The following C8orf34 variants were observed in gnomAD, a reference collection of about 807,000 sequenced individuals.
C8orf34 encodes chromosome 8 open reading frame 34.
In C8orf34, 65 loss-of-function variants were observed where a neutral mutation model predicts 68.3. That is an observed-to-expected ratio of 0.95 (90% CI 0.78 to 1.17). C8orf34 has a LOEUF of 1.17. Ranked by LOEUF, C8orf34 falls within the 50% of genes most tolerant of loss-of-function variation. The pLI is 0.00. For missense variants in C8orf34, 664 were observed against 655.4 expected, an observed-to-expected ratio of 1.01 and a Z score of -0.14; for synonymous variants, 244 against 241.2, an observed-to-expected ratio of 1.01 and a Z score of -0.11.
At chr8:68,339,395 G>A (rs562335385) in intron 1 of C8orf34, among the ~76,000 whole-genome samples, 1 of 151,780 alleles carries the variant, frequency 6.6e-6, no homozygotes, top group Admixed American at 6.6e-5. Context: ...AATAGTAAAA[G>A]TACCATTTAT....
chr8:68,769,075 A>C (rs1217812889), intron 10 of C8orf34, among the ~76,000 whole-genome samples: 1 of 152,078 alleles, frequency 6.6e-6, no homozygotes, highest in Admixed American at 6.5e-5. Context: ...ATCATGTGGT[A>C]GTCATTTTGA....
At position 68,504,682 on chromosome 8, in the gene C8orf34, A is replaced by ATT. The variant is rs563414330; in HGVS notation, c.765+16647_765+16648dup. Among the ~76,000 whole-genome samples, 174 of 128,884 alleles carry ATT rather than the reference A, an allele frequency of 1.4e-3. 1 individual carries two copies. Among genetic ancestry groups the ATT allele is most frequent in the African/African-American group, 3.7e-3 (131 of 35,016 alleles). The allele number at this position is 128,884 out of a possible 152,430, so 84.6% of individuals were successfully genotyped here. ...TTACATGCATGTGTCACCATGCCTA[A>ATT]TTTTTTTTTTTTTTTTTGAGACAGT... On this transcript the variant is annotated intron_variant, in intron 5 of 13. Coordinates refer to ENST00000518698, the MANE Select transcript of C8orf34 (RefSeq NM_052958.4).
chr8:68,604,155 G>A (rs896607484), intron 7 of C8orf34, among the ~76,000 whole-genome samples: 1 of 152,098 alleles, frequency 6.6e-6, no homozygotes, highest in Non-Finnish European at 1.5e-5. Context: ...CAATGAAAGA[G>A]CTGATGTCAT....
chr8:68,807,684 T>C (rs1350701418), intron 12 of C8orf34, among the ~76,000 whole-genome samples: 1 of 152,190 alleles, frequency 6.6e-6, no homozygotes, highest in Non-Finnish European at 1.5e-5. Context: ...TTATTTTTGA[T>C]TAAGTGTTGA....
chr8:68,647,319 T>C (rs1441015043), intron 8 of C8orf34, among the ~76,000 whole-genome samples: 2 of 152,080 alleles, frequency 1.3e-5, no homozygotes, highest in Non-Finnish European at 2.9e-5. Flanking sequence ...CGTGAGGATG[T>C]AGAGAAAAGG....
chr8:68,595,016 G>A (rs1817502667), intron 7 of C8orf34, among the ~76,000 whole-genome samples: 1 of 151,222 alleles, frequency 6.6e-6, no homozygotes, highest in Non-Finnish European at 1.5e-5. Flanking sequence ...TTTGAGCTAA[G>A]GCAAGTGTTT....
At chr8:68,346,310 G>A (rs112808248) in intron 1 of C8orf34, among the ~76,000 whole-genome samples, 2,052 of 134,268 alleles carry the variant, frequency 0.015, 35 homozygotes, top group African/African-American at 0.056. Context: ...TAGGATTTAG[G>A]TTCACAGCAA....
At chr8:68,679,778 C>T (rs894289150) in intron 8 of C8orf34, among the ~76,000 whole-genome samples, 3 of 152,132 alleles carry the variant, frequency 2.0e-5, no homozygotes, top group African/African-American at 7.2e-5. Flanking sequence ...GAAATTCATA[C>T]ATTTAAAGTG....
At chr8:68,466,981 T>C (rs573999767) in intron 3 of C8orf34, among the ~76,000 whole-genome samples, 71 of 151,982 alleles carry the variant, frequency 4.7e-4, no homozygotes, top group African/African-American at 1.3e-3. Flanking sequence ...GTACATGGTT[T>C]AAAAAAGTTT....
chr8:68,666,298 C>T (rs1017917050), intron 8 of C8orf34, among the ~76,000 whole-genome samples: 1 of 152,148 alleles, frequency 6.6e-6, no homozygotes, highest in East Asian at 1.9e-4. Flanking sequence ...ATTATATTAG[C>T]ATAATGAGCT....
intron 7 of C8orf34, among the ~76,000 whole-genome samples, chr8:68,603,948 A>T (rs1817779861): frequency 6.6e-6 from 1 of 152,202 alleles, no homozygotes; most frequent in Admixed American, 6.5e-5. Flanking sequence ...CTTCTGACTA[A>T]TAATCAAATT....
rs114736993 is a variant in C8orf34, at chr8:68,698,860, T to A, written c.1242-10134T>A. Among the ~76,000 whole-genome samples, 1,025 of 152,096 alleles carry A rather than the reference T, an allele frequency of 6.7e-3. 17 individuals carry two copies. Among genetic ancestry groups the A allele is most frequent in the African/African-American group, 0.023 (974 of 41,514 alleles). ...AGCAAAAATTCAATACCCAGCAAGT[T>A]AGAGAAAGAAAAACACCAGCATCCC... On this transcript the variant is annotated intron_variant, in intron 8 of 13. Transcript: ENST00000518698.
At chr8:68,423,826 C>T (rs937971555) in intron 1 of C8orf34, among the ~76,000 whole-genome samples, 1 of 152,126 alleles carries the variant, frequency 6.6e-6, no homozygotes. Context: ...ACAATCATGG[C>T]AGAAGGAATC....
chr8:68,506,952 A>T (rs897724639), intron 5 of C8orf34, among the ~76,000 whole-genome samples: 38 of 151,844 alleles, frequency 2.5e-4, no homozygotes, highest in Non-Finnish European at 1.6e-4. Context: ...TGCCACTTAC[A>T]TTGTTTCTGA....
intron 10 of C8orf34, among the ~76,000 whole-genome samples, chr8:68,757,743 C>T (rs1822907637): frequency 1.3e-5 from 2 of 152,196 alleles, no homozygotes; most frequent in African/African-American, 4.8e-5. Context: ...TTTTGATTCT[C>T]TTCTGAGAAG....
intron 10 of C8orf34, among the ~76,000 whole-genome samples, chr8:68,734,019 T>A (rs1011136776): frequency 4.6e-5 from 7 of 151,974 alleles, no homozygotes; most frequent in African/African-American, 1.5e-4. Context: ...GTTTCACTAA[T>A]TTTTTTTATG....
At chr8:68,670,402 C>G (rs1819971527) in intron 8 of C8orf34, among the ~76,000 whole-genome samples, 1 of 152,084 alleles carries the variant, frequency 6.6e-6, no homozygotes, top group Non-Finnish European at 1.5e-5. Flanking sequence ...GAACGTTTAA[C>G]AACCAGAGAA....
chr8:68,702,712 C>A (rs952188848), intron 8 of C8orf34, among the ~76,000 whole-genome samples: 1 of 152,072 alleles, frequency 6.6e-6, no homozygotes, highest in African/African-American at 2.4e-5. Context: ...TTCTCTCATC[C>A]ATTACATGGT....
At chr8:68,485,223 C>T (rs1485968509) in intron 4 of C8orf34, among the ~76,000 whole-genome samples, 1 of 152,142 alleles carries the variant, frequency 6.6e-6, no homozygotes, top group Non-Finnish European at 1.5e-5. Context: ...TTTGACTATT[C>T]ACAGGGCTTT....
Sources: allele counts gnomAD v4.1 joint callset (sites outside exome capture counted in the v4.1 genomes callset), GRCh38; gene constraint gnomAD v4.1.1; transcripts MANE v1.5; gene names NCBI Gene and HGNC (gene_info 2026-07-23, HGNC 2026-07-21).